Variants in EDIL3 observed in about 807,000 individuals in gnomAD.
EDIL3 encodes EGF like and discoidin domains 3.
A neutral mutation model predicts 67.4 loss-of-function variants in EDIL3; 37 were observed. That is an observed-to-expected ratio of 0.55 (90% CI 0.42 to 0.72). EDIL3 has a LOEUF of 0.72. EDIL3 is among the 30% of genes least tolerant of loss of function. EDIL3 has a pLI of 0.00. For missense variants in EDIL3, 527 were observed against 586.3 expected (o/e 0.90, Z 1.04); for synonymous variants, 195 against 196.3 (o/e 0.99, Z 0.05).
chr5:84,112,400 G>A (rs1747580059), intron 5 of EDIL3, among the ~76,000 whole-genome samples: 1 of 152,166 alleles, frequency 6.6e-6, no homozygotes, highest in African/African-American at 2.4e-5. Context: ...GAGGGAAATG[G>A]AGTGTTTGAA....
intron 9 of EDIL3, among the ~76,000 whole-genome samples, chr5:83,975,743 T>C (rs542873300): frequency 6.6e-6 from 1 of 152,022 alleles, no homozygotes; most frequent in East Asian, 1.9e-4. Context: ...TGAAACACTG[T>C]TTTAAACAAA....
chr5:84,116,345 T>G (rs961269934), intron 5 of EDIL3, among the ~76,000 whole-genome samples: 17 of 152,162 alleles, frequency 1.1e-4, no homozygotes, highest in African/African-American at 3.6e-4. Flanking sequence ...GTATAGTAGA[T>G]GATTTGTTCA....
chr5:84,233,897 A>C (rs1054722672), intron 2 of EDIL3, among the ~76,000 whole-genome samples: 7 of 152,192 alleles, frequency 4.6e-5, no homozygotes, highest in Admixed American at 3.3e-4. Context: ...TCCTGCTCAA[A>C]GGCAGAGTGC....
intron 1 of EDIL3, among the ~76,000 whole-genome samples, chr5:84,312,491 C>T (rs564883035): frequency 1.6e-4 from 23 of 144,588 alleles, no homozygotes; most frequent in Middle Eastern, 4.1e-3. Context: ...CCGGACAGGG[C>T]GGCTGGCCGG....
intron 1 of EDIL3, among the ~76,000 whole-genome samples, chr5:84,266,900 C>T (rs2112091191): frequency 6.6e-6 from 1 of 152,158 alleles, no homozygotes; most frequent in South Asian, 2.1e-4. Flanking sequence ...TATTTTTGTG[C>T]CTTCACTATG....
chr5:84,180,261 A>G, intron 4 of EDIL3, 132 bp downstream of exon 4: 1 of 966,820 alleles, frequency 1.0e-6, no homozygotes, highest in East Asian at 2.9e-5. Flanking sequence ...CATGGGAGAG[A>G]AGCAGCATTA....
intron 9 of EDIL3, among the ~76,000 whole-genome samples, chr5:83,987,875 A>G (rs1001440878): frequency 2.0e-5 from 3 of 147,778 alleles, no homozygotes; most frequent in East Asian, 3.9e-4. Context: ...GTATGTATAT[A>G]TATATATATA....
chr5:84,150,641 G>T (rs1227081424), intron 4 of EDIL3, among the ~76,000 whole-genome samples: 1 of 152,148 alleles, frequency 6.6e-6, no homozygotes, highest in Non-Finnish European at 1.5e-5. Context: ...TGTTGGTGAG[G>T]ATGTGGAGGA....
chr5:84,108,196 AG>A lies in EDIL3; in HGVS notation c.470-1367del, dbSNP rs368157175. 5.9e-5 allele frequency among the ~76,000 whole-genome samples: 9 copies of A among 152,080 alleles called. No homozygotes were observed. The East Asian group carries it at 1.2e-3, about 20-fold the overall frequency. On this transcript the variant is annotated intron_variant, in intron 5 of 10. Transcript: ENST00000296591. Reference sequence around the variant, plus strand: ...CCAAATTATAATATTTTTGAAACTTAGTAAGATATTTCTCACTGTTAACCAT... The same window carrying A: ...CCAAATTATAATATTTTTGAAACTTATAAGATATTTCTCACTGTTAACCAT...
chr5:84,108,900 C>T (rs1224271656), intron 5 of EDIL3, among the ~76,000 whole-genome samples: 1 of 152,184 alleles, frequency 6.6e-6, no homozygotes, highest in Non-Finnish European at 1.5e-5. Flanking sequence ...TTAAAAATAA[C>T]TCTGTGCCAT....
chr5:84,067,417 G>T (rs1746663927), intron 6 of EDIL3, among the ~76,000 whole-genome samples: 1 of 151,960 alleles, frequency 6.6e-6, no homozygotes, highest in East Asian at 1.9e-4. Context: ...TTCATATATA[G>T]TAAACATTAA....
At chr5:84,290,952 G>T (rs1393093461) in intron 1 of EDIL3, among the ~76,000 whole-genome samples, 1 of 152,104 alleles carries the variant, frequency 6.6e-6, no homozygotes, top group Non-Finnish European at 1.5e-5. Flanking sequence ...GAACATTTGT[G>T]ATTTCAGCTT....
At chr5:84,135,997 GAGAA>G (rs1371425921) in intron 5 of EDIL3, among the ~76,000 whole-genome samples, 1 of 151,864 alleles carries the variant, frequency 6.6e-6, no homozygotes, top group East Asian at 1.9e-4. Flanking sequence ...CATGGCCAAA[GAGAA>G]AGAAAGAAAA....
chr5:84,061,599 G>A (rs1479816130), intron 8 of EDIL3, among the ~76,000 whole-genome samples: 2 of 152,102 alleles, frequency 1.3e-5, no homozygotes, highest in Non-Finnish European at 2.9e-5. Flanking sequence ...CAGCTGTGTA[G>A]CCTTGCCCTG....
At chr5:84,011,061 A>T (rs1157270887) in intron 9 of EDIL3, among the ~76,000 whole-genome samples, 4 of 152,322 alleles carry the variant, frequency 2.6e-5, no homozygotes, top group African/African-American at 7.2e-5. Flanking sequence ...TCCAGTGAGA[A>T]CTTTTAAAGC....
chr5:84,005,809 G>A (rs1402693954), intron 9 of EDIL3, among the ~76,000 whole-genome samples: 1 of 151,920 alleles, frequency 6.6e-6, no homozygotes, highest in Non-Finnish European at 1.5e-5. Flanking sequence ...CATATTATTG[G>A]AAGTCCTAGC....
intron 6 of EDIL3, among the ~76,000 whole-genome samples, chr5:84,080,257 C>T (rs907164614): frequency 1.4e-5 from 2 of 139,828 alleles, no homozygotes; most frequent in Admixed American, 7.5e-5. Flanking sequence ...GATCGCGCTG[C>T]CACTACACTC....
At chr5:84,075,947 T>TTATATATATATATATATA (rs10546643) in intron 6 of EDIL3, among the ~76,000 whole-genome samples, 1 of 130,634 alleles carries the variant, frequency 7.7e-6, no homozygotes, top group African/African-American at 2.6e-5. Context: ...ATTGTGGGTT[T>TTATATATATATATATATA]TATATATATA....
At chr5:83,963,474 A>C in intron 9 of EDIL3, 114 bp from the exon 10 acceptor site, 1 of 1,196,784 alleles carries the variant, frequency 8.4e-7, no homozygotes, top group Non-Finnish European at 1.1e-6. Flanking sequence ...AAATCTGTCT[A>C]GTTATTTGTA....
Sources: allele counts gnomAD v4.1 joint callset (sites outside exome capture counted in the v4.1 genomes callset), GRCh38; gene constraint gnomAD v4.1.1; transcripts MANE v1.5; gene names NCBI Gene and HGNC (gene_info 2026-07-23, HGNC 2026-07-21).